KSR1: variants seen among roughly 807,000 people sequenced by gnomAD.
KSR1 encodes kinase suppressor of ras.
KSR1 carries 35 observed loss-of-function variants against 92.9 expected under a neutral mutation model. The ratio of observed to expected loss-of-function variants is 0.38; its 90% CI spans 0.29 to 0.50. The LOEUF (loss-of-function observed/expected upper bound fraction) is 0.50. KSR1 is among the 20% of genes least tolerant of loss of function. The pLI is 0.94. For missense variants in KSR1, 972 were observed against 1,158.5 expected, an observed-to-expected ratio of 0.84 and a Z score of 2.34; for synonymous variants, 467 against 472.6, an observed-to-expected ratio of 0.99 and a Z score of 0.15.
At chr17:27,555,531 TGTGTGTAGCACTTCC>T (rs896794985) in intron 2 of KSR1, among the ~76,000 whole-genome samples, 2 of 151,926 alleles carry the variant, frequency 1.3e-5, no homozygotes, top group African/African-American at 2.4e-5. Flanking sequence ...TGTGTGTGTG[TGTGTGTAGCACTTCC>T]GTGTGTAGCA....
rs372612585 is a variant in KSR1, at chr17:27,511,229, C to A, written c.232-39339C>A. Among the ~76,000 whole-genome samples, 35 of 152,316 alleles carry A rather than the reference C, an allele frequency of 2.3e-4. No individual in the cohort carries two copies. The East Asian group carries it at 3.5e-3, about 15-fold the overall frequency. ...AGGTAGGCCAAGAAACGTGGGGACGCCTGGCTGGGGCTGGAACACTGGCAG... is the reference window on the plus strand; with the variant it reads ...AGGTAGGCCAAGAAACGTGGGGACGACTGGCTGGGGCTGGAACACTGGCAG... On this transcript the variant is annotated intron_variant, in intron 1 of 20. Coordinates refer to ENST00000644974, the MANE Select transcript of KSR1 (RefSeq NM_001394583.1).
chr17:27,522,500 A>G (rs1455320175), intron 1 of KSR1, among the ~76,000 whole-genome samples: 8 of 152,190 alleles, frequency 5.3e-5, no homozygotes, highest in African/African-American at 1.4e-4. Context: ...GGAGATGCTC[A>G]TGAGCCACCA....
chr17:27,585,838 G>A (rs867747182), intron 5 of KSR1, 177 bp downstream of exon 5: 2 of 643,882 alleles, frequency 3.1e-6, no homozygotes. Context: ...TGGCCTTAAA[G>A]TGACTGGCTG....
chr17:27,464,354 C>T (rs1308267322), intron 1 of KSR1, among the ~76,000 whole-genome samples: 2 of 152,138 alleles, frequency 1.3e-5, no homozygotes, highest in Non-Finnish European at 2.9e-5. Flanking sequence ...TGTCTGTTTA[C>T]TTTTAAGGGC....
At chr17:27,619,514 C>T (rs1189061632) in intron 19 of KSR1, among the ~76,000 whole-genome samples, 2 of 151,468 alleles carry the variant, frequency 1.3e-5, no homozygotes, top group Non-Finnish European at 2.9e-5. Flanking sequence ...TCTCCTGCCT[C>T]AGCCTTCTGA....
intron 1 of KSR1, among the ~76,000 whole-genome samples, chr17:27,463,862 G>C (rs1008558085): frequency 1.1e-4 from 17 of 152,284 alleles, no homozygotes; most frequent in Admixed American, 9.2e-4. Context: ...GCCTGGCTTT[G>C]GGGATGATTT....
intron 16 of KSR1, chr17:27,609,853 T>A: frequency 1.9e-6 from 1 of 520,980 alleles, no homozygotes. Flanking sequence ...ATTCTTGCCC[T>A]GCTTTTCTAG....
chr17:27,460,740 T>C (rs113998251), intron 1 of KSR1, among the ~76,000 whole-genome samples: 15 of 152,244 alleles, frequency 9.9e-5, no homozygotes, highest in African/African-American at 3.4e-4. Context: ...GCTCTCCCTA[T>C]GCCTCCCAGG....
intron 1 of KSR1, among the ~76,000 whole-genome samples, chr17:27,534,281 C>G (rs1185541670): frequency 2.0e-5 from 3 of 152,238 alleles, no homozygotes; most frequent in African/African-American, 7.2e-5. Context: ...ACCAGGGTAG[C>G]TTGGGACATG....
intron 1 of KSR1, among the ~76,000 whole-genome samples, chr17:27,467,416 T>C (rs113880616): frequency 2.0e-5 from 3 of 152,186 alleles, no homozygotes; most frequent in Non-Finnish European, 2.9e-5. Flanking sequence ...TCACAACATA[T>C]AGATGACTAA....
chr17:27,494,627 C>G (rs2068924835), intron 1 of KSR1, among the ~76,000 whole-genome samples: 1 of 152,172 alleles, frequency 6.6e-6, no homozygotes, highest in African/African-American at 2.4e-5. Context: ...CAAGTACGAA[C>G]AGGTCTTTCG....
chr17:27,623,685 T>G lies in KSR1; in HGVS notation c.*293T>G. ...TTACAATAGGTAATAATAAAAACAG[T>G]CTGTGCAGATGCACTGGCACTGACG... On this transcript the variant is annotated 3_prime_UTR_variant, in exon 21 of 21. Transcript: ENST00000644974. 1 of 596,688 alleles carries G rather than the reference T, an allele frequency of 1.7e-6. No homozygotes were observed. The highest frequency in any genetic ancestry group is 2.1e-5 in the South Asian group (1 of 47,904). The allele number at this position is 596,688 out of a possible 1,614,324, so 37.0% of individuals were successfully genotyped here.
At chr17:27,556,946 A>G (rs2945394) in intron 2 of KSR1, among the ~76,000 whole-genome samples, 24,633 of 152,188 alleles carry the variant, frequency 0.16, 2,119 homozygotes, top group South Asian at 0.26. Flanking sequence ...TTAGGAAACT[A>G]GAGAGCCCCT....
intron 1 of KSR1, among the ~76,000 whole-genome samples, chr17:27,485,617 T>G (rs1251107822): frequency 2.0e-5 from 3 of 152,352 alleles, no homozygotes; most frequent in East Asian, 1.9e-4. Context: ...CAGTGCCTAA[T>G]AGTTAACTTA....
chr17:27,560,451 G>A (rs1382027456), intron 2 of KSR1: 1 of 519,056 alleles, frequency 1.9e-6, no homozygotes. Context: ...GATGCAGGCG[G>A]ATCTGGTAAG....
At position 27,605,790 on chromosome 17, in the gene KSR1, G is replaced by A. The variant is rs55938675; in HGVS notation, c.1971G>A (p.Pro657=). ...VVLFMGACMN[P]PHLAIITSFC... ...TCTTCATGGGGGCCTGCATGAACCCGCCCCACCTGGCCATTATCACCAGGT... is the reference window on the plus strand; with the variant it reads ...TCTTCATGGGGGCCTGCATGAACCCACCCCACCTGGCCATTATCACCAGGT... Residue 657 remains proline (P), a synonymous_variant, in exon 14 of 21, where the codon CCG becomes CCA. Transcript: ENST00000644974. The A allele has an allele frequency of 0.011, 18,347 of 1,612,434 alleles. 645 individuals carry two copies. The African/African-American group carries it at 0.12, about 11-fold the overall frequency.
At chr17:27,611,776 A>C in intron 18 of KSR1, 147 bp downstream of exon 18, 2 of 914,992 alleles carry the variant, frequency 2.2e-6, no homozygotes, top group Non-Finnish European at 1.7e-6. Context: ...TGAAAATGAT[A>C]TGCATTGCCC....
chr17:27,578,099 C>T (rs536418182), intron 3 of KSR1: 6 of 236,622 alleles, frequency 2.5e-5, no homozygotes, highest in Non-Finnish European at 5.1e-5. Context: ...GGAGTGTGTA[C>T]GTGGCTGTCC....
At chr17:27,562,742 TA>T (rs1459683484) in intron 2 of KSR1, among the ~76,000 whole-genome samples, 3 of 152,200 alleles carry the variant, frequency 2.0e-5, no homozygotes. Flanking sequence ...ACCCTTCTTT[TA>T]AAAAAATAGC....
Sources: gnomAD v4.1 joint callset for allele counts (sites outside exome capture counted in the v4.1 genomes callset) on GRCh38, gnomAD v4.1.1 for gene constraint, MANE v1.5 for transcripts, NCBI Gene and HGNC (gene_info 2026-07-23, HGNC 2026-07-21) for gene names.